Variants in PCLO observed in about 807,000 individuals in gnomAD.
The protein encoded by PCLO is protein piccolo.
In PCLO, 82 loss-of-function variants were observed where a neutral mutation model predicts 427.5. That is an observed-to-expected ratio of 0.19 (90% CI 0.16 to 0.23). The LOEUF (loss-of-function observed/expected upper bound fraction) is 0.23, where lower values mean the gene tolerates loss of function less well. Among genes scored for constraint, PCLO ranks in the 10% least tolerant of loss-of-function variants. PCLO has a pLI of 1.00. For missense variants in PCLO, 6,239 were observed against 6,115.9 expected (o/e 1.02, Z -0.67); for synonymous variants, 2,357 against 2,155.4 (o/e 1.09, Z -2.59).
chr7:83,124,261 G>A (rs925507010), intron 3 of PCLO, among the ~76,000 whole-genome samples: 19 of 151,070 alleles, frequency 1.3e-4, no homozygotes, highest in Non-Finnish European at 2.4e-4. Flanking sequence ...AGCTTGCAGT[G>A]AGCCGAGATA....
intron 3 of PCLO, among the ~76,000 whole-genome samples, chr7:83,059,357 A>AAAATATAT (rs1332566491): frequency 0.039 from 4,362 of 111,570 alleles, 129 homozygotes; most frequent in Admixed American, 0.065. Context: ...ACACCTTTAA[A>AAAATATAT]ATATATATAT....
intron 22 of PCLO, among the ~76,000 whole-genome samples, chr7:82,767,953 T>G (rs533514874): frequency 1.4e-4 from 21 of 149,024 alleles, no homozygotes; most frequent in Non-Finnish European, 2.1e-4. Context: ...AATGATTGAG[T>G]GAAAGAAAGA....
At chr7:83,089,142 T>G (rs1373011091) in intron 3 of PCLO, among the ~76,000 whole-genome samples, 1 of 96,588 alleles carries the variant, frequency 1.0e-5, no homozygotes, top group African/African-American at 6.7e-5. Context: ...TATGTTTACA[T>G]ACATACATAC....
chr7:82,951,846 T>C lies in PCLO; in HGVS notation c.9097+10A>G. ...TTTCAAGGAAAGGTCTGCTGCCACA[T>C]CATACTGACCTGTAGTAACTCTCCC... is the stretch of plus-strand genomic sequence containing the variant. On this transcript the variant is annotated intron_variant, in intron 5 of 24. Coordinates refer to ENST00000333891, the MANE Select transcript of PCLO (RefSeq NM_033026.6). 1 of 1,606,156 alleles carries C rather than the reference T, an allele frequency of 6.2e-7. No individual in the cohort carries two copies. Among genetic ancestry groups the C allele is most frequent in the Non-Finnish European group, 8.5e-7 (1 of 1,176,536 alleles).
At chr7:83,033,853 T>C (rs1478262669) in intron 3 of PCLO, among the ~76,000 whole-genome samples, 2 of 152,160 alleles carry the variant, frequency 1.3e-5, no homozygotes, top group African/African-American at 4.8e-5. Flanking sequence ...TACAATGCTA[T>C]TGCTCACCCA....
At chr7:82,969,495 A>T (rs1251673589) in intron 3 of PCLO, among the ~76,000 whole-genome samples, 1 of 152,098 alleles carries the variant, frequency 6.6e-6, no homozygotes, top group East Asian at 1.9e-4. Context: ...AATTATTTTT[A>T]ACATAATGTT....
rs1298473440 is a variant in PCLO at position 82,952,458 on chromosome 7, G to T, written c.8495C>A (p.Ala2832Asp). ...ACTTGGTATCCTGTATGGGGGCTCA[G>T]CATGCTTTGATGTTGTAAGTTGGAG... Reference protein sequence around the residue: ...TPLQLTTSKHAEPPYRIPSDQ... With the variant: ...TPLQLTTSKHDEPPYRIPSDQ... The change falls in exon 5 of 25, where the codon GCT becomes GAT. Residue 2832 changes from alanine to aspartate, a missense_variant. Ala to Asp is a moderately radical substitution (Grantham distance 126). Transcript: ENST00000333891. 4 of 1,613,884 alleles carry T rather than the reference G, an allele frequency of 2.5e-6. No individual in the cohort carries two copies. Among genetic ancestry groups the T allele is most frequent in the Non-Finnish European group, 1.7e-6 (2 of 1,179,812 alleles).
chr7:82,820,505 T>TTTA, intron 20 of PCLO: 1 of 1,216,484 alleles, frequency 8.2e-7, no homozygotes, highest in Non-Finnish European at 1.0e-6. Context: ...ATACTTTATT[T>TTTA]ATTACACAGG....
At chr7:82,862,206 C>T (rs1792974895) in intron 10 of PCLO, among the ~76,000 whole-genome samples, 1 of 151,928 alleles carries the variant, frequency 6.6e-6, no homozygotes, top group South Asian at 2.1e-4. Flanking sequence ...AGGTGCTTAA[C>T]ATCATTGATC....
At chr7:82,862,075 C>A (rs759097129) in intron 10 of PCLO, among the ~76,000 whole-genome samples, 1 of 151,618 alleles carries the variant, frequency 6.6e-6, no homozygotes, top group Non-Finnish European at 1.5e-5. Flanking sequence ...CAAACCAAAC[C>A]CCAAATTAGT....
chr7:82,822,574 G>A lies in PCLO; in HGVS notation c.14712C>T (p.Val4904=). ...GPSRSQSKTS[V]TQTHLEDAGA... Reference sequence around the variant, plus strand: ...CTGCATCTTCCAGGTGGGTCTGAGTGACGCTGGTTTTGCTTTGACTGCGAG... The same window carrying A: ...CTGCATCTTCCAGGTGGGTCTGAGTAACGCTGGTTTTGCTTTGACTGCGAG... Residue 4904 remains valine, a synonymous_variant, in exon 20 of 25, where the codon GTC becomes GTT. Transcript: ENST00000333891. The A allele has an allele frequency of 6.2e-7, 1 of 1,613,910 alleles. No individual in the cohort carries two copies. Among genetic ancestry groups the A allele is most frequent in the Non-Finnish European group, 8.5e-7 (1 of 1,179,852 alleles).
chr7:82,897,326 T>C (rs1793927882), intron 9 of PCLO, among the ~76,000 whole-genome samples: 1 of 151,646 alleles, frequency 6.6e-6, no homozygotes, highest in Non-Finnish European at 1.5e-5. Context: ...TGTACAGTTG[T>C]TGATAAACAC....
chr7:83,133,309 T>C (rs1471693374), intron 3 of PCLO, among the ~76,000 whole-genome samples: 1 of 152,038 alleles, frequency 6.6e-6, no homozygotes, highest in Non-Finnish European at 1.5e-5. Context: ...TAAGTATTTT[T>C]GGTTTGTATG....
intron 3 of PCLO, among the ~76,000 whole-genome samples, chr7:83,053,989 A>G (rs2116277875): frequency 6.6e-6 from 1 of 152,172 alleles, no homozygotes; most frequent in South Asian, 2.1e-4. Flanking sequence ...ATCATGTACC[A>G]CAAAAGAACA....
rs192423496 is a variant in PCLO, at chr7:83,034,817, A to T, written c.3301-68330T>A. ...GCAATCATACCAAACTTGTTCATTG[A>T]TTCTATTTGCAACAGAGAAAAATGC... On this transcript the variant is annotated intron_variant, in intron 3 of 24. Transcript: ENST00000333891. Among the ~76,000 whole-genome samples, 3 of 152,298 alleles carry T rather than the reference A, an allele frequency of 2.0e-5. No homozygotes were observed. The East Asian group carries it at 5.8e-4, about 29-fold the overall frequency.
chr7:82,755,767 G>T lies in PCLO; in HGVS notation c.*2808C>A, dbSNP rs1790305569. 2 of 152,060 alleles carry T rather than the reference G, an allele frequency of 1.3e-5. No homozygotes were observed. The highest frequency in any genetic ancestry group is 4.2e-4 in the South Asian group (2 of 4,814). 9.4% of individuals were successfully genotyped at this position (152,060 alleles called of 1,614,324 possible). ...CAAGAGCCCTATTTGCAATAAAAAA[G>T]AAACAGTTTTGTTGTAAGAAGGGTA... On this transcript the variant is annotated 3_prime_UTR_variant, in exon 25 of 25. Transcript: ENST00000333891.
chr7:82,950,937 C>T lies in PCLO; in HGVS notation c.9651G>A (p.Glu3217=). Reference sequence around the variant, plus strand: ...TTTTCTCCAGTTCCAGGAGCTCACGCTCCAAGTCTAGCTGCTGCTGTTGTT... The same window carrying T: ...TTTTCTCCAGTTCCAGGAGCTCACGTTCCAAGTCTAGCTGCTGCTGTTGTT... ...EDKQQQQLDL[E]RELLELEKIK... is the part of the protein sequence containing the mutation. Residue 3217 remains glutamate (E), a synonymous_variant, in exon 6 of 25, where the codon GAG becomes GAA. Transcript: ENST00000333891. The T allele has an allele frequency of 1.2e-6, 2 of 1,613,430 alleles. No individual in the cohort carries two copies. Among genetic ancestry groups the T allele is most frequent in the Non-Finnish European group, 1.7e-6 (2 of 1,179,850 alleles).
chr7:83,046,448 A>G (rs578140364), intron 3 of PCLO, among the ~76,000 whole-genome samples: 1 of 152,206 alleles, frequency 6.6e-6, no homozygotes, highest in Non-Finnish European at 1.5e-5. Context: ...AAGAAATAGT[A>G]TCTCTCAGGG....
chr7:82,852,695 C>T (rs1477633788), intron 10 of PCLO, among the ~76,000 whole-genome samples: 2 of 152,082 alleles, frequency 1.3e-5, no homozygotes, highest in South Asian at 2.1e-4. Flanking sequence ...AGTCAATTCT[C>T]CTTAATAAAC....
Sources: gnomAD v4.1 joint callset for allele counts (sites outside exome capture counted in the v4.1 genomes callset) on GRCh38, gnomAD v4.1.1 for gene constraint, MANE v1.5 for transcripts, NCBI Gene and HGNC (gene_info 2026-07-23, HGNC 2026-07-21) for gene names.